The following ZFHX3 variants were observed in gnomAD, a reference collection of about 807,000 sequenced individuals.
The protein encoded by ZFHX3 is zinc finger homeobox 3, also known as zinc finger homeobox protein 3.
A neutral mutation model predicts 279.1 loss-of-function variants in ZFHX3; 42 were observed. That is an observed-to-expected ratio of 0.15 (90% CI 0.12 to 0.19). ZFHX3 has a LOEUF of 0.19. Ranked by LOEUF, ZFHX3 falls within the 10% of genes least tolerant of loss-of-function variation. The pLI, the probability that ZFHX3 is intolerant of heterozygous loss-of-function variation, is 1.00. For missense variants in ZFHX3, 4,981 were observed against 4,754.0 expected, an observed-to-expected ratio of 1.05 and a Z score of -1.40; for synonymous variants, 2,293 against 1,957.8, an observed-to-expected ratio of 1.17 and a Z score of -4.52.
intron 8 of ZFHX3, among the ~76,000 whole-genome samples, chr16:73,065,486 C>A (rs756439764): frequency 6.6e-6 from 1 of 151,028 alleles, no homozygotes; most frequent in African/African-American, 2.4e-5. Flanking sequence ...GAATACCTAG[C>A]GCCATAATTT....
intron 3 of ZFHX3, among the ~76,000 whole-genome samples, chr16:73,452,937 A>G (rs1285999288): frequency 1.3e-5 from 2 of 152,212 alleles, no homozygotes; most frequent in East Asian, 1.9e-4. Context: ...CAAAGAGGTT[A>G]CCTTTGGTCC....
At chr16:73,020,977 C>A (rs1200244313) in intron 1 of ZFHX3, among the ~76,000 whole-genome samples, 1 of 152,046 alleles carries the variant, frequency 6.6e-6, no homozygotes, top group African/African-American at 2.4e-5. Flanking sequence ...GAGATGTGTC[C>A]CCACTCTGCA....
rs550177934 is a variant in ZFHX3 at position 73,375,406 on chromosome 16, C to G, written c.-1290-57070G>C. ...GCCATTTCTCCAAAAAGCCCTGGGT[C>G]CTTTTAGTGAGAAGCAGTATTTAGA... On this transcript the variant is annotated intron_variant, in intron 3 of 17. Transcript: ENST00000641206. Among the ~76,000 whole-genome samples the G allele has an allele frequency of 3.3e-5, 5 of 152,132 alleles. No homozygotes were observed. The East Asian group carries it at 9.7e-4, about 29-fold the overall frequency.
chr16:72,787,781 C>G lies in ZFHX3; in HGVS notation c.10495G>C (p.Glu3499Gln), dbSNP rs780563188. ...FFGQSVVNLQEMVLHVPTGGG... is the reference protein window; with the variant it reads ...FFGQSVVNLQQMVLHVPTGGG... ...CCGGTGGGGACGTGAAGCACCATCT[C>G]TTGCAGGTTCACCACAGACTGGCCG... Residue 3499 changes from glutamate (E) to glutamine (Q), a missense_variant, in exon 10 of 10, where the codon GAG (glutamate) becomes CAG (glutamine). Coordinates refer to ENST00000268489, the MANE Select transcript of ZFHX3 (RefSeq NM_006885.4). The G allele has an allele frequency of 1.3e-6, 2 of 1,593,366 alleles. No individual in the cohort carries two copies. Among genetic ancestry groups the G allele is most frequent in the Admixed American group, 3.4e-5 (2 of 58,240 alleles).
chr16:73,315,656 T>A (rs546543679), intron 4 of ZFHX3, among the ~76,000 whole-genome samples: 9 of 152,022 alleles, frequency 5.9e-5, no homozygotes, highest in Non-Finnish European at 1.0e-4. Flanking sequence ...TTTTATTATA[T>A]GAGCCTTCAG....
At chr16:73,760,626 A>C (rs1230751046) in intron 1 of ZFHX3, among the ~76,000 whole-genome samples, 1 of 152,236 alleles carries the variant, frequency 6.6e-6, no homozygotes, top group African/African-American at 2.4e-5. Flanking sequence ...CTTATCCACT[A>C]TAATCAAGTT....
intron 3 of ZFHX3, among the ~76,000 whole-genome samples, chr16:72,918,067 G>A (rs775404423): frequency 3.9e-5 from 6 of 152,166 alleles, no homozygotes; most frequent in Admixed American, 1.3e-4. Context: ...TGAGATGGCT[G>A]CTTAATAAAA....
intron 3 of ZFHX3, among the ~76,000 whole-genome samples, chr16:73,396,620 G>GAA (rs1555513716): frequency 6.6e-6 from 1 of 152,104 alleles, no homozygotes; most frequent in Non-Finnish European, 1.5e-5. Context: ...TATGGCAGCA[G>GAA]GAGAGAGAGA....
At chr16:72,891,096 T>A (rs373926155) in intron 3 of ZFHX3, among the ~76,000 whole-genome samples, 3 of 152,222 alleles carry the variant, frequency 2.0e-5, no homozygotes, top group East Asian at 1.9e-4. Context: ...GAACCCCAAA[T>A]TAGGTTTTCA....
intron 8 of ZFHX3, among the ~76,000 whole-genome samples, chr16:73,070,917 C>A (rs1253896331): frequency 6.0e-5 from 5 of 83,976 alleles, no homozygotes; most frequent in Non-Finnish European, 8.4e-5. Flanking sequence ...GACCGTCTTG[C>A]GCGCGCGCGC....
intron 3 of ZFHX3, among the ~76,000 whole-genome samples, chr16:73,354,497 C>T (rs1430773899): frequency 6.6e-6 from 1 of 152,180 alleles, no homozygotes; most frequent in African/African-American, 2.4e-5. Context: ...ATATGGGGCC[C>T]TCATTTCACG....
At chr16:73,403,089 C>T (rs537557893) in intron 3 of ZFHX3, among the ~76,000 whole-genome samples, 1 of 152,088 alleles carries the variant, frequency 6.6e-6, no homozygotes, top group African/African-American at 2.4e-5. Flanking sequence ...TGTGTGTGCA[C>T]GTGTGGGCGC....
chr16:73,849,472 C>T (rs1567429805), intron 1 of ZFHX3, among the ~76,000 whole-genome samples: 1 of 151,894 alleles, frequency 6.6e-6, no homozygotes, highest in South Asian at 2.1e-4. Context: ...TGTAAGTGAT[C>T]GATTATACAA....
chr16:73,101,913 CTTTT>C (rs34658877), intron 7 of ZFHX3, among the ~76,000 whole-genome samples: 1 of 116,570 alleles, frequency 8.6e-6, no homozygotes, highest in Non-Finnish European at 1.7e-5. Context: ...ATTCTCACCT[CTTTT>C]TTTTTTTTTT....
chr16:73,836,356 CT>C (rs1398594488), intron 1 of ZFHX3, among the ~76,000 whole-genome samples: 1 of 152,128 alleles, frequency 6.6e-6, no homozygotes, highest in Admixed American at 6.5e-5. Flanking sequence ...TATTTATAGG[CT>C]GAATCAATTT....
At chr16:72,886,869 C>T (rs531552273) in intron 4 of ZFHX3, among the ~76,000 whole-genome samples, 4 of 152,342 alleles carry the variant, frequency 2.6e-5, no homozygotes, top group African/African-American at 7.2e-5. Flanking sequence ...GTCCCTTACT[C>T]CTGAGAGTGC....
chr16:73,235,897 C>T (rs2012932324), intron 5 of ZFHX3, among the ~76,000 whole-genome samples: 1 of 152,162 alleles, frequency 6.6e-6, no homozygotes, highest in Non-Finnish European at 1.5e-5. Flanking sequence ...TCTTGAACTC[C>T]TGGGCTCAAG....
At chr16:73,598,854 C>T (rs1218980016) in intron 2 of ZFHX3, among the ~76,000 whole-genome samples, 2 of 152,242 alleles carry the variant, frequency 1.3e-5, no homozygotes. Flanking sequence ...AACTCCGCCT[C>T]CTGGCTTCAA....
Position 73,180,800 on chromosome 16 carries a change from T to A in ZFHX3, c.-1103-36969A>T, listed in dbSNP as rs1010705820. Among the ~76,000 whole-genome samples the A allele has an allele frequency of 2.0e-5, 3 of 151,916 alleles. No homozygotes were observed. The East Asian group carries it at 5.9e-4, about 30-fold the overall frequency. The stretch of plus-strand genomic sequence containing the variant: ...GCCTCAGCCTCCTGAGTAGCTGGGA[T>A]TACAGGTGCGCACCACCACACCCAG... On this transcript the variant is annotated intron_variant, in intron 5 of 17. Transcript: ENST00000641206.
Sources: gnomAD v4.1 joint callset for allele counts (sites outside exome capture counted in the v4.1 genomes callset) on GRCh38, gnomAD v4.1.1 for gene constraint, MANE v1.5 for transcripts, NCBI Gene and HGNC (gene_info 2026-07-23, HGNC 2026-07-21) for gene names.